Variants in TSPAN12 observed in about 807,000 individuals in gnomAD.
The protein encoded by TSPAN12 is tetraspanin 12.
In TSPAN12, 19 loss-of-function variants were observed where a neutral mutation model predicts 39.2. The observed-to-expected ratio is 0.49, with a 90% confidence interval of 0.34 to 0.71. TSPAN12 has a LOEUF of 0.71. TSPAN12 is among the 30% of genes least tolerant of loss of function. The pLI is 0.01. For synonymous variants in TSPAN12, 119 were observed against 124.8 expected (o/e 0.95, Z 0.31); for missense variants, 314 against 359.9 (o/e 0.87, Z 1.03).
chr7:120,817,198 A>T (rs773597051), intron 4 of TSPAN12, among the ~76,000 whole-genome samples: 3 of 151,672 alleles, frequency 2.0e-5, no homozygotes, highest in Non-Finnish European at 4.4e-5. Context: ...ATATAATGAG[A>T]CCCCATATCT....
intron 4 of TSPAN12, among the ~76,000 whole-genome samples, chr7:120,835,641 G>A (rs1425777004): frequency 1.3e-5 from 2 of 152,014 alleles, no homozygotes; most frequent in South Asian, 2.1e-4. Context: ...ACTCAGCAGA[G>A]AGGATAAAAT....
intron 4 of TSPAN12, among the ~76,000 whole-genome samples, chr7:120,830,659 G>C (rs1470247653): frequency 6.6e-6 from 1 of 151,984 alleles, no homozygotes; most frequent in Non-Finnish European, 1.5e-5. Flanking sequence ...ATGTTTTAAA[G>C]ATTTAAATGT....
intron 4 of TSPAN12, among the ~76,000 whole-genome samples, chr7:120,828,198 T>C (rs915480819): frequency 2.2e-4 from 34 of 152,168 alleles, no homozygotes; most frequent in Non-Finnish European, 3.1e-4. Flanking sequence ...CTCCCTTACT[T>C]AGCCAAGAGT....
At chr7:120,802,560 TAGG>T (rs1219524261) in intron 7 of TSPAN12, among the ~76,000 whole-genome samples, 1 of 152,128 alleles carries the variant, frequency 6.6e-6, no homozygotes, top group African/African-American at 2.4e-5. Context: ...ATAAATTACA[TAGG>T]AGAAGAGATT....
chr7:120,856,623 T>C, intron 2 of TSPAN12, 75 bp downstream of exon 2: 1 of 1,437,280 alleles, frequency 7.0e-7, no homozygotes, highest in Non-Finnish European at 9.8e-7. Context: ...GCCATGCCCT[T>C]TGGCGCATTA....
At chr7:120,812,045 A>G (rs948212438) in intron 5 of TSPAN12, among the ~76,000 whole-genome samples, 1 of 152,186 alleles carries the variant, frequency 6.6e-6, no homozygotes, top group Non-Finnish European at 1.5e-5. Context: ...CCAAAAACCT[A>G]TTGAAATAAA....
At chr7:120,806,876 C>T (rs896859296) in intron 6 of TSPAN12, among the ~76,000 whole-genome samples, 184 bp from the exon 7 acceptor site, 1 of 151,994 alleles carries the variant, frequency 6.6e-6, no homozygotes, top group Non-Finnish European at 1.5e-5. Context: ...CTAACGATTG[C>T]ATAATGGAAG....
At chr7:120,819,387 G>C (rs1362239007) in intron 4 of TSPAN12, among the ~76,000 whole-genome samples, 1 of 152,072 alleles carries the variant, frequency 6.6e-6, no homozygotes, top group East Asian at 1.9e-4. Flanking sequence ...GAGGGGCTAA[G>C]TTTCCTATGA....
At chr7:120,857,633 C>G (rs1794900530) in intron 1 of TSPAN12, among the ~76,000 whole-genome samples, 187 bp downstream of exon 1, 1 of 152,036 alleles carries the variant, frequency 6.6e-6, no homozygotes, top group Admixed American at 6.5e-5. Flanking sequence ...CCGCGGAGCA[C>G]AAAGCGAGCG....
rs186517337 is a variant in TSPAN12, at chr7:120,841,723, A to C, written c.67-1614T>G. ...TGATATCTATATTTGTAAGAAAAAA[A>C]CCGAAACATAATGATGACTGGGATA... On this transcript the variant is annotated intron_variant, in intron 2 of 7. Transcript: ENST00000222747. 7.0e-3 allele frequency among the ~76,000 whole-genome samples: 1,068 copies of C among 152,320 alleles called. 16 individuals are homozygous for C. Among genetic ancestry groups the C allele is most frequent in the African/African-American group, 0.025 (1,022 of 41,572 alleles).
rs185759205 is a variant in TSPAN12 at position 120,845,259 on chromosome 7, T to C, written c.67-5150A>G. Among the ~76,000 whole-genome samples the C allele has an allele frequency of 2.0e-5, 3 of 152,160 alleles. No individual in the cohort carries two copies. The East Asian group carries it at 5.8e-4, about 29-fold the overall frequency. On this transcript the variant is annotated intron_variant, in intron 2 of 7. Coordinates refer to ENST00000222747, the MANE Select transcript of TSPAN12 (RefSeq NM_012338.4). ...GGCTTTCGGGCCTGTGATGGGAGGG[T>C]CTGCTATGAAGGTCTCTGAAATGCC...
In TSPAN12 at chr7:120,810,433, TCTCTCTACCTCAGA is replaced by T; in HGVS notation, c.468+16_468+29del. 1 of 1,380,108 alleles carries T rather than the reference TCTCTCTACCTCAGA, an allele frequency of 7.2e-7. No individual in the cohort carries two copies. Among genetic ancestry groups the T allele is most frequent in the Non-Finnish European group, 1.0e-6 (1 of 966,636 alleles). The allele number at this position is 1,380,108 out of a possible 1,614,324, so 85.5% of individuals were successfully genotyped here. A position where few individuals can be genotyped will look rare whatever the true frequency, so the allele number is the denominator to read the frequency against. On this transcript the variant is annotated intron_variant, in intron 6 of 7. Transcript: ENST00000222747. ...TTTGAAGGTGCACCACTTACTTCAC[TCTCTCTACCTCAGA>T]AATTGTAGCACTTACCTCTCTCTGA...
intron 7 of TSPAN12, among the ~76,000 whole-genome samples, chr7:120,800,465 C>T (rs927350855): frequency 6.6e-5 from 10 of 152,118 alleles, no homozygotes; most frequent in Non-Finnish European, 1.2e-4. Context: ...CTGGCTTCTT[C>T]CTTATCCACC....
chr7:120,805,585 T>C (rs1308947982), intron 7 of TSPAN12, among the ~76,000 whole-genome samples: 1 of 152,144 alleles, frequency 6.6e-6, no homozygotes, highest in Non-Finnish European at 1.5e-5. Context: ...ATGTGGGGAA[T>C]GATCCCAACC....
intron 4 of TSPAN12, among the ~76,000 whole-genome samples, chr7:120,823,939 G>A (rs1356494915): frequency 6.6e-6 from 1 of 152,086 alleles, no homozygotes; most frequent in African/African-American, 2.4e-5. Context: ...GTAGCTGAAG[G>A]ACTTTAAATA....
intron 5 of TSPAN12, chr7:120,814,096 G>C (rs1584933847): frequency 2.4e-6 from 1 of 425,384 alleles, no homozygotes; most frequent in East Asian, 7.0e-5. Context: ...AAATTGGAGT[G>C]TGCAGAGTAG....
chr7:120,817,797 A>AG (rs934123248), intron 4 of TSPAN12, among the ~76,000 whole-genome samples: 1 of 152,154 alleles, frequency 6.6e-6, no homozygotes, highest in African/African-American at 2.4e-5. Context: ...TTCTATTTAC[A>AG]GTGGGAGGTC....
intron 2 of TSPAN12, among the ~76,000 whole-genome samples, chr7:120,855,891 A>T (rs10249042): frequency 0.022 from 3,315 of 152,314 alleles, 115 homozygotes; most frequent in African/African-American, 0.075. Flanking sequence ...AGAACACAAA[A>T]AAATGGAAAG....
intron 7 of TSPAN12, among the ~76,000 whole-genome samples, chr7:120,799,860 A>G (rs978930324): frequency 7.1e-6 from 1 of 140,036 alleles, no homozygotes; most frequent in Non-Finnish European, 1.5e-5. Flanking sequence ...TTTAATAATT[A>G]ATATGATATA....
Sources: gnomAD v4.1 joint callset for allele counts (sites outside exome capture counted in the v4.1 genomes callset) on GRCh38, gnomAD v4.1.1 for gene constraint, MANE v1.5 for transcripts, NCBI Gene and HGNC (gene_info 2026-07-23, HGNC 2026-07-21) for gene names.